Variants in ECHDC1 observed in about 807,000 individuals in gnomAD.
ECHDC1 encodes the protein ethylmalonyl-CoA decarboxylase.
ECHDC1 carries 29 observed loss-of-function variants against 29.7 expected under a neutral mutation model. The ratio of observed to expected loss-of-function variants is 0.98; its 90% CI spans 0.73 to 1.33. ECHDC1 has a LOEUF of 1.33. Among genes scored for constraint, ECHDC1 ranks in the 40% most tolerant of loss-of-function variants. ECHDC1 has a pLI of 0.00. For missense variants in ECHDC1, 328 were observed against 350.0 expected (o/e 0.94, Z 0.50); for synonymous variants, 126 against 123.1 (o/e 1.02, Z -0.15).
At chr6:127,314,221 T>C (rs942975660) in intron 5 of ECHDC1, among the ~76,000 whole-genome samples, 5 of 152,220 alleles carry the variant, frequency 3.3e-5, no homozygotes, top group African/African-American at 7.2e-5. Context: ...GTTTAAACCA[T>C]GTCTAAAGCA....
intron 3 of ECHDC1, among the ~76,000 whole-genome samples, chr6:127,325,125 G>A (rs1783204521): frequency 6.6e-6 from 1 of 152,180 alleles, no homozygotes; most frequent in Admixed American, 6.5e-5. Flanking sequence ...GATGTGATGT[G>A]ATGAAAATAG....
chr6:127,342,615 A>C (rs945001306), intron 1 of ECHDC1: 1 of 465,532 alleles, frequency 2.1e-6, no homozygotes, highest in East Asian at 3.2e-5. Context: ...GCCCTTGTCC[A>C]GTTCCTCTGC....
intron 5 of ECHDC1, among the ~76,000 whole-genome samples, chr6:127,307,799 A>G (rs762074818): frequency 3.3e-5 from 5 of 151,824 alleles, no homozygotes; most frequent in Non-Finnish European, 5.9e-5. Context: ...AAAACCAGAC[A>G]TGAAAAAGGA....
rs1177418260 is a variant in ECHDC1, at chr6:127,335,873, A to G, written c.-2-4843T>C. 2.6e-5 allele frequency among the ~76,000 whole-genome samples: 4 copies of G among 152,112 alleles called. No homozygotes were observed. In the South Asian group the frequency reaches 8.3e-4, roughly 31 times the overall value. On this transcript the variant is annotated intron_variant, in intron 1 of 5. Coordinates refer to ENST00000454859, the MANE Select transcript of ECHDC1 (RefSeq NM_001002030.2). ...TCCATACTCCTTTTCCAAAACTCAT[A>G]CAGTATAACTTATGAGACATCCTTC...
chr6:127,302,425 G>C (rs1157786931), intron 5 of ECHDC1, among the ~76,000 whole-genome samples: 1 of 151,456 alleles, frequency 6.6e-6, no homozygotes, highest in Non-Finnish European at 1.5e-5. Flanking sequence ...TTGAGACAGA[G>C]TCTCGCTCTT....
chr6:127,291,591 A>C (rs1013717686), intron 5 of ECHDC1, among the ~76,000 whole-genome samples: 2 of 152,184 alleles, frequency 1.3e-5, no homozygotes, highest in Non-Finnish European at 2.9e-5. Flanking sequence ...TAGCTTTACT[A>C]AATAAACGCC....
intron 5 of ECHDC1, chr6:127,294,401 C>A (rs774002170): frequency 6.6e-6 from 1 of 152,264 alleles, no homozygotes; most frequent in South Asian, 2.1e-4. Flanking sequence ...CTTGTTCACA[C>A]GTATATTTTC....
At chr6:127,341,282 A>ATC (rs1784919658) in intron 1 of ECHDC1, among the ~76,000 whole-genome samples, 1 of 152,210 alleles carries the variant, frequency 6.6e-6, no homozygotes, top group Non-Finnish European at 1.5e-5. Flanking sequence ...AATTCTAAAA[A>ATC]TTTTATAATA....
At chr6:127,329,685 G>A (rs1372963066) in intron 2 of ECHDC1, 5 of 292,136 alleles carry the variant, frequency 1.7e-5, no homozygotes, top group Non-Finnish European at 2.7e-5. Context: ...CCTCATAATT[G>A]TTTATATTAG....
chr6:127,295,506 C>T (rs1413356079), intron 5 of ECHDC1, among the ~76,000 whole-genome samples: 1 of 152,140 alleles, frequency 6.6e-6, no homozygotes. Context: ...AATTCATACA[C>T]ATATAAATCA....
Position 127,289,694 on chromosome 6 carries a change from G to T in ECHDC1, c.*175C>A. The T allele has an allele frequency of 1.5e-6, 1 of 657,380 alleles. No homozygotes were observed. The highest frequency in any genetic ancestry group is 2.4e-6 in the Non-Finnish European group (1 of 411,616). 40.7% of individuals were successfully genotyped at this position (657,380 alleles called of 1,614,324 possible). A position where few individuals can be genotyped will look rare whatever the true frequency, so the allele number is the denominator to read the frequency against. ...CAGATTACGCAGTAAATACCCAAGT[G>T]AGTAATTGGCAAGAAATGAGGTAAA... On this transcript the variant is annotated 3_prime_UTR_variant, in exon 6 of 6. Coordinates refer to ENST00000454859, the MANE Select transcript of ECHDC1 (RefSeq NM_001002030.2).
intron 5 of ECHDC1, among the ~76,000 whole-genome samples, chr6:127,304,998 A>C (rs1781337818): frequency 6.6e-6 from 1 of 152,234 alleles, no homozygotes; most frequent in African/African-American, 2.4e-5. Context: ...AGTTTATTCA[A>C]AGGAATAATA....
intron 3 of ECHDC1, among the ~76,000 whole-genome samples, chr6:127,316,757 C>A (rs917099073): frequency 2.0e-5 from 3 of 151,908 alleles, no homozygotes; most frequent in African/African-American, 7.3e-5. Flanking sequence ...AGATCACATA[C>A]CCTAGATCAC....
chr6:127,323,499 G>C (rs752256591), intron 3 of ECHDC1, among the ~76,000 whole-genome samples: 8 of 152,076 alleles, frequency 5.3e-5, no homozygotes, highest in Non-Finnish European at 1.0e-4. Flanking sequence ...GTGCTAGTAG[G>C]CACTTTATAT....
At chr6:127,298,325 CT>C (rs34528623) in intron 5 of ECHDC1, among the ~76,000 whole-genome samples, 3 of 151,488 alleles carry the variant, frequency 2.0e-5, no homozygotes, top group African/African-American at 4.9e-5. Flanking sequence ...TGTGTACATG[CT>C]TTTTTTTGCC....
At chr6:127,331,292 C>A (rs553737787) in intron 1 of ECHDC1, among the ~76,000 whole-genome samples, 2 of 152,060 alleles carry the variant, frequency 1.3e-5, no homozygotes, top group Admixed American at 1.3e-4. Flanking sequence ...ACTACAGGCA[C>A]CCATGACCAC....
At chr6:127,338,113 T>C (rs1784592552) in intron 1 of ECHDC1, among the ~76,000 whole-genome samples, 1 of 152,200 alleles carries the variant, frequency 6.6e-6, no homozygotes, top group South Asian at 2.1e-4. Flanking sequence ...TATGTAGACT[T>C]TTCTGGCCAA....
chr6:127,326,971 G>C, intron 3 of ECHDC1, 31 bp downstream of exon 3: 1 of 1,594,988 alleles, frequency 6.3e-7, no homozygotes, highest in Non-Finnish European at 8.6e-7. Flanking sequence ...TAAACATGTA[G>C]AATCAAATGC....
chr6:127,317,799 C>A (rs1217813412), intron 3 of ECHDC1: 1 of 152,118 alleles, frequency 6.6e-6, no homozygotes, highest in Non-Finnish European at 1.5e-5. Context: ...AAATATCAAT[C>A]CCTTCTTTTA....
Sources: allele counts gnomAD v4.1 joint callset (sites outside exome capture counted in the v4.1 genomes callset), GRCh38; gene constraint gnomAD v4.1.1; transcripts MANE v1.5; gene names NCBI Gene and HGNC (gene_info 2026-07-23, HGNC 2026-07-21).